URI1: variants seen among roughly 807,000 people sequenced by gnomAD.
URI1 encodes unconventional prefoldin RPB5 interactor 1.
A neutral mutation model predicts 60.2 loss-of-function variants in URI1; 39 were observed. The ratio of observed to expected loss-of-function variants is 0.65; its 90% confidence interval spans 0.50 to 0.85. The LOEUF is 0.85. Ranked by LOEUF, URI1 falls within the 40% of genes least tolerant of loss-of-function variation. URI1 has a pLI of 0.00. For synonymous variants in URI1, 251 were observed against 236.8 expected (o/e 1.06, Z -0.55); for missense variants, 691 against 665.9 (o/e 1.04, Z -0.42).
chr19:29,942,655 GC>G lies in URI1; in HGVS notation c.109del (p.Gln37ArgfsTer18). 1 of 1,441,462 alleles carries G rather than the reference GC, an allele frequency of 6.9e-7. No homozygotes were observed. Among genetic ancestry groups the G allele is most frequent in the Non-Finnish European group, 9.1e-7 (1 of 1,096,262 alleles). The allele number at this position is 1,441,462 out of a possible 1,614,324, so 89.3% of individuals were successfully genotyped here. A position where few individuals can be genotyped will look rare whatever the true frequency, so the allele number is the denominator to read the frequency against. ...CGGATGTGGCGCGGCTGCGCGAGGA[GC>G]AGGAAAAGGTAACTAGCAGCCCCGC... Reference protein sequence around the residue: ...APDVARLREEQEKVVTNCQER... With the variant: ...APDVARLREEXEKVVTNCQER... On this transcript the variant is annotated frameshift_variant, in exon 1 of 11. Transcript: ENST00000392271. LOFTEE classifies it high-confidence loss of function.
intron 1 of URI1, among the ~76,000 whole-genome samples, chr19:29,933,775 C>G (rs144936702): frequency 0.013 from 1,979 of 151,412 alleles, 68 homozygotes; most frequent in Admixed American, 0.069. Context: ...TGAGCCGAGA[C>G]TGTGCTACTG....
At chr19:30,010,197 C>A (rs139492360) in intron 8 of URI1, among the ~76,000 whole-genome samples, 1 of 152,096 alleles carries the variant, frequency 6.6e-6, no homozygotes, top group Non-Finnish European at 1.5e-5. Flanking sequence ...CACAATATCC[C>A]GATTGCCTGT....
At chr19:29,928,124 G>C (rs1172364411) in intron 1 of URI1, among the ~76,000 whole-genome samples, 1 of 152,026 alleles carries the variant, frequency 6.6e-6, no homozygotes, top group Non-Finnish European at 1.5e-5. Context: ...GTCCAGATAT[G>C]TGCAAGCAGA....
intron 1 of URI1, among the ~76,000 whole-genome samples, chr19:29,933,224 T>C (rs1235167960): frequency 6.6e-6 from 1 of 152,228 alleles, no homozygotes; most frequent in Non-Finnish European, 1.5e-5. Flanking sequence ...TTTAGTAGAA[T>C]TCATCTTGAA....
chr19:29,953,715 A>G (rs1333490582), intron 1 of URI1, among the ~76,000 whole-genome samples: 3 of 149,556 alleles, frequency 2.0e-5, no homozygotes, highest in Non-Finnish European at 4.4e-5. Flanking sequence ...GAGCGTAGTT[A>G]GGAATAGTTG....
At chr19:29,976,431 C>T (rs1013441972) in intron 2 of URI1, among the ~76,000 whole-genome samples, 1 of 152,182 alleles carries the variant, frequency 6.6e-6, no homozygotes, top group East Asian at 1.9e-4. Context: ...GAGCCTCTGC[C>T]TCCATGTGCT....
At chr19:29,933,564 T>C (rs951632251) in intron 1 of URI1, among the ~76,000 whole-genome samples, 16 of 152,288 alleles carry the variant, frequency 1.1e-4, no homozygotes, top group Admixed American at 9.2e-4. Flanking sequence ...CTCACTCCTG[T>C]AATCCTAGCA....
intron 1 of URI1, among the ~76,000 whole-genome samples, chr19:29,963,944 T>G (rs2055357481): frequency 6.6e-6 from 1 of 152,226 alleles, no homozygotes; most frequent in Non-Finnish European, 1.5e-5. Context: ...AGAGTTTTAG[T>G]TTATCTTTTT....
intron 4 of URI1, among the ~76,000 whole-genome samples, chr19:29,993,991 G>A (rs1599711568): frequency 1.3e-5 from 2 of 151,876 alleles, no homozygotes; most frequent in Non-Finnish European, 2.9e-5. Context: ...GTCCTTTACT[G>A]ATAGGCCTTT....
intron 1 of URI1, among the ~76,000 whole-genome samples, chr19:29,945,394 A>G (rs1233363070): frequency 6.6e-6 from 1 of 151,968 alleles, no homozygotes; most frequent in Non-Finnish European, 1.5e-5. Context: ...TTTTTCTTGT[A>G]TGTTCTCTGG....
Position 29,942,277 on chromosome 19 carries a change from G to T in URI1, c.-271G>T, listed in dbSNP as rs1055664797. ...CGGCCGCCACGCGACGCCTGGCTGG[G>T]CCCGCACCGGAGAGGCGTCTCGGTA... On this transcript the variant is annotated 5_prime_UTR_variant, in exon 1 of 11. Transcript: ENST00000392271. 5.6e-5 allele frequency: 55 copies of T among 985,038 alleles called. No individual in the cohort carries two copies. Among genetic ancestry groups the T allele is most frequent in the African/African-American group, 1.8e-5 (1 of 57,134 alleles). 61.0% of individuals were successfully genotyped at this position (985,038 alleles called of 1,614,324 possible).
At chr19:29,946,996 A>T (rs139125619) in intron 1 of URI1, among the ~76,000 whole-genome samples, 2 of 152,044 alleles carry the variant, frequency 1.3e-5, no homozygotes, top group Non-Finnish European at 1.5e-5. Flanking sequence ...AGAATGAGGG[A>T]TGTGAGTGGA....
At chr19:30,000,410 T>TTAA (rs1371392878) in intron 4 of URI1, among the ~76,000 whole-genome samples, 2 of 151,994 alleles carry the variant, frequency 1.3e-5, no homozygotes, top group African/African-American at 4.8e-5. Context: ...CAGGTTCTAT[T>TTAA]TAGTTTGTTG....
chr19:29,946,718 T>G (rs1390840346), intron 1 of URI1, among the ~76,000 whole-genome samples: 1 of 152,216 alleles, frequency 6.6e-6, no homozygotes, highest in Non-Finnish European at 1.5e-5. Context: ...CTGCACATAG[T>G]TTAAAGAACT....
At chr19:29,955,443 A>G (rs1026573744) in intron 1 of URI1, among the ~76,000 whole-genome samples, 2 of 152,216 alleles carry the variant, frequency 1.3e-5, no homozygotes, top group African/African-American at 4.8e-5. Flanking sequence ...GTAAAGTCCT[A>G]GAGTTGGATT....
rs991500686 is a variant in URI1 at position 30,012,465 on chromosome 19, G to A, written c.1359G>A (p.Glu453=). 23 of 1,614,054 alleles carry A rather than the reference G, an allele frequency of 1.4e-5. No individual in the cohort carries two copies. Among genetic ancestry groups the A allele is most frequent in the African/African-American group, 2.7e-5 (2 of 74,916 alleles). ...CEEATCSDTS[E]SILEEEPQEN... ...AAGCCACTTGCAGTGACACCAGTGA[G>A]AGCATTTTGGAAGAGGAACCACAAG... is the stretch of plus-strand genomic sequence containing the variant. Residue 453 remains glutamate, a synonymous_variant, in exon 10 of 11, where the codon GAG becomes GAA. Transcript: ENST00000392271.
At chr19:29,928,817 T>C (rs1379769669) in intron 1 of URI1, among the ~76,000 whole-genome samples, 1 of 152,156 alleles carries the variant, frequency 6.6e-6, no homozygotes, top group East Asian at 1.9e-4. Context: ...TGACCTATAT[T>C]TGTATTTGCT....
intron 4 of URI1, among the ~76,000 whole-genome samples, chr19:29,990,957 A>G (rs536541863): frequency 3.9e-5 from 6 of 152,240 alleles, no homozygotes; most frequent in African/African-American, 1.2e-4. Context: ...TTCTTTATCT[A>G]TGTGTCTGTC....
At chr19:29,985,153 A>ACGTT in intron 2 of URI1, 70 bp from the exon 3 acceptor site, 1 of 375,660 alleles carries the variant, frequency 2.7e-6, no homozygotes, top group Non-Finnish European at 4.5e-6. Flanking sequence ...AAAAAAAAAA[A>ACGTT]AAAAAAAAAA....
Sources: gnomAD v4.1 joint callset for allele counts (sites outside exome capture counted in the v4.1 genomes callset) on GRCh38, gnomAD v4.1.1 for gene constraint, MANE v1.5 for transcripts, NCBI Gene and HGNC (gene_info 2026-07-23, HGNC 2026-07-21) for gene names.